MTUS1: variants seen among roughly 807,000 people sequenced by gnomAD.
MTUS1 encodes the protein microtubule associated scaffold protein 1.
Under a neutral mutation model 120.8 loss-of-function variants are expected in MTUS1, and 109 were observed. That is an observed-to-expected ratio of 0.90 (90% CI 0.77 to 1.06). The LOEUF is 1.06. Among genes scored for constraint, MTUS1 ranks in the 50% least tolerant of loss-of-function variants. MTUS1 has a pLI of 0.00. For missense variants in MTUS1, 2,210 were observed against 1,486.3 expected (o/e 1.49, Z -8.01); for synonymous variants, 737 against 550.5 (o/e 1.34, Z -4.74).
At chr8:17,709,678 T>TA (rs1284097799) in intron 6 of MTUS1, among the ~76,000 whole-genome samples, 1 of 152,032 alleles carries the variant, frequency 6.6e-6, no homozygotes, top group African/African-American at 2.4e-5. Context: ...CACTACACTA[T>TA]AGTCTAGTGT....
At chr8:17,682,108 A>T (rs1164804928) in intron 7 of MTUS1, among the ~76,000 whole-genome samples, 1 of 152,194 alleles carries the variant, frequency 6.6e-6, no homozygotes, top group Non-Finnish European at 1.5e-5. Context: ...ATAAGGGAGA[A>T]CCACTGGAAG....
At chr8:17,743,926 T>C (rs1283359637) in intron 2 of MTUS1, 127 bp from the exon 3 acceptor site, 4 of 727,854 alleles carry the variant, frequency 5.5e-6, no homozygotes, top group South Asian at 3.9e-5. Context: ...CAGGCCATGA[T>C]GGCAAAGAGG....
At chr8:17,778,389 T>A (rs557541889) in intron 1 of MTUS1, among the ~76,000 whole-genome samples, 11 of 152,186 alleles carry the variant, frequency 7.2e-5, no homozygotes. Flanking sequence ...CAAGGAAACT[T>A]TGAAATAATG....
At chr8:17,723,534 C>T (rs1324120494) in intron 4 of MTUS1, 138 bp downstream of exon 4, 1 of 859,012 alleles carries the variant, frequency 1.2e-6, no homozygotes. Context: ...GCCAAACTTT[C>T]AGAGCAACTC....
chr8:17,722,191 C>T (rs920426618), intron 4 of MTUS1: 2 of 1,053,310 alleles, frequency 1.9e-6, no homozygotes, highest in Non-Finnish European at 1.1e-6. Context: ...AAGCACTTTA[C>T]AGCCTCCTTA....
At position 17,781,501 on chromosome 8, in the gene MTUS1, T is replaced by C. The variant is rs1021894715; in HGVS notation, c.-155+19560A>G. On this transcript the variant is annotated intron_variant, in intron 1 of 14. Transcript: ENST00000693296. ...CTGTTTCGATTCCTCTGAATGACAGTGATTAATATTAAACACAAGAGTTTC... is the reference window on the plus strand; with the variant it reads ...CTGTTTCGATTCCTCTGAATGACAGCGATTAATATTAAACACAAGAGTTTC... Among the ~76,000 whole-genome samples, 9 of 152,344 alleles carry C rather than the reference T, an allele frequency of 5.9e-5. No homozygotes were observed. In the East Asian group the frequency reaches 1.2e-3, roughly 20 times the overall value.
chr8:17,676,752 C>T (rs1042064223), intron 7 of MTUS1, among the ~76,000 whole-genome samples: 1 of 152,094 alleles, frequency 6.6e-6, no homozygotes, highest in African/African-American at 2.4e-5. Context: ...TTTGATCACA[C>T]TTACTAATAG....
chr8:17,715,641 C>A, intron 5 of MTUS1, 126 bp downstream of exon 5: 3 of 1,013,306 alleles, frequency 3.0e-6, no homozygotes, highest in Non-Finnish European at 4.3e-6. Context: ...ATTATATCTC[C>A]TTTCTCAACA....
At chr8:17,658,363 C>A (rs968117818) in intron 8 of MTUS1, among the ~76,000 whole-genome samples, 10 of 152,166 alleles carry the variant, frequency 6.6e-5, no homozygotes, top group Non-Finnish European at 1.2e-4. Flanking sequence ...CTTAGCTCTT[C>A]CCTACAACTA....
intron 2 of MTUS1, among the ~76,000 whole-genome samples, chr8:17,751,800 G>C (rs2048213997): frequency 6.8e-6 from 1 of 146,764 alleles, no homozygotes; most frequent in African/African-American, 2.5e-5. Flanking sequence ...GGAGGTTGCA[G>C]TGAGCCGAGA....
chr8:17,755,344 A>G lies in MTUS1; in HGVS notation c.464T>C (p.Leu155Ser). The change falls in exon 2 of 15, where the codon TTG becomes TCG. Residue 155 changes from leucine (L) to serine (S), a missense_variant. Physicochemically the swap from Leu to Ser is moderately radical, Grantham distance 145. Transcript: ENST00000693296. ...CATGTCAAATGTTTGGTTTAGCTCCAAGGCATCACAGTAGCCTGCACAGTT... is the reference window on the plus strand; with the variant it reads ...CATGTCAAATGTTTGGTTTAGCTCCGAGGCATCACAGTAGCCTGCACAGTT... ...NLNCAGYCDA[L>S]ELNQTFDMTV... 1 of 1,614,200 alleles carries G rather than the reference A, an allele frequency of 6.2e-7. No homozygotes were observed. Among genetic ancestry groups the G allele is most frequent in the Non-Finnish European group, 8.5e-7 (1 of 1,180,020 alleles).
At chr8:17,747,244 C>A (rs980713130) in intron 2 of MTUS1, among the ~76,000 whole-genome samples, 1 of 152,080 alleles carries the variant, frequency 6.6e-6, no homozygotes. Flanking sequence ...TACCTAGAGT[C>A]CCCTAAATTA....
At chr8:17,784,365 G>A (rs920749224) in intron 1 of MTUS1, among the ~76,000 whole-genome samples, 31 of 142,022 alleles carry the variant, frequency 2.2e-4, no homozygotes, top group African/African-American at 6.9e-4. Flanking sequence ...TCGCCATCTC[G>A]GCTCACTGCA....
At chr8:17,686,036 T>TA (rs1397451782) in intron 6 of MTUS1, among the ~76,000 whole-genome samples, 1 of 152,260 alleles carries the variant, frequency 6.6e-6, no homozygotes. Context: ...TGTCATTTCC[T>TA]AAATGTTTTT....
In MTUS1 at chr8:17,644,659, C is replaced by T. The variant is rs1369720424; in HGVS notation, c.*1267G>A. 1 of 152,228 alleles carries T rather than the reference C, an allele frequency of 6.6e-6. No individual in the cohort carries two copies. The highest frequency in any genetic ancestry group is 1.5e-5 in the Non-Finnish European group (1 of 68,050). 9.4% of individuals were successfully genotyped at this position (152,228 alleles called of 1,614,324 possible). A position where few individuals can be genotyped will look rare whatever the true frequency, so the allele number is the denominator to read the frequency against. ...GAAAAATGAGCGCTATCCTCCCAGA[C>T]TGTTTTCTTCTATCAAGTACTGCAT... On this transcript the variant is annotated 3_prime_UTR_variant, in exon 15 of 15. Coordinates refer to ENST00000693296, the MANE Select transcript of MTUS1 (RefSeq NM_001363059.2).
chr8:17,681,459 G>C (rs1439589633), intron 7 of MTUS1: 1 of 153,278 alleles, frequency 6.5e-6, no homozygotes, highest in East Asian at 1.9e-4. Context: ...CCTCTTGCTA[G>C]CTGTCTGATA....
chr8:17,743,489 T>C, intron 3 of MTUS1, 115 bp downstream of exon 3: 1 of 960,288 alleles, frequency 1.0e-6, no homozygotes, highest in South Asian at 1.7e-5. Flanking sequence ...GTGCTCAGGA[T>C]GCTGATCCAC....
chr8:17,649,821 C>G, intron 13 of MTUS1, 25 bp downstream of exon 13: 2 of 1,289,964 alleles, frequency 1.6e-6, no homozygotes, highest in Non-Finnish European at 2.3e-6. Flanking sequence ...TTGTAAGATC[C>G]TCTTTCATTC....
chr8:17,742,271 T>TTTTG (rs796226168), intron 3 of MTUS1, among the ~76,000 whole-genome samples: 4 of 122,346 alleles, frequency 3.3e-5, no homozygotes, highest in Admixed American at 8.2e-5. Flanking sequence ...GCCCAGCTGT[T>TTTTG]TTTTTTTTTT....
Sources: gnomAD v4.1 joint callset for allele counts (sites outside exome capture counted in the v4.1 genomes callset) on GRCh38, gnomAD v4.1.1 for gene constraint, MANE v1.5 for transcripts, NCBI Gene and HGNC (gene_info 2026-07-23, HGNC 2026-07-21) for gene names.